AKAP19: variants seen among roughly 807,000 people sequenced by gnomAD.
AKAP19 encodes the protein small A-kinase anchoring protein.
At chr2:190,171,288 G>A in the AKAP19 span, among the ~76,000 whole-genome samples, 34 of 151,758 alleles carry the variant, frequency 2.2e-4, no homozygotes, top group African/African-American at 7.5e-4. Context: ...TTTACTGAAG[G>A]TGAAGGAAGG....
At chr2:189,970,261 A>G in the AKAP19 span, among the ~76,000 whole-genome samples, 1 of 152,250 alleles carries the variant, frequency 6.6e-6, no homozygotes, top group East Asian at 1.9e-4. Flanking sequence ...ATGAATACCT[A>G]TATATTCCCT....
At chr2:189,970,300 A>G in the AKAP19 span, among the ~76,000 whole-genome samples, 1 of 152,202 alleles carries the variant, frequency 6.6e-6, no homozygotes, top group Admixed American at 6.5e-5. Context: ...AACATTGCTA[A>G]TGTTGAAACT....
chr2:190,200,898 A>AAAT, the AKAP19 span: 27 of 167,196 alleles, frequency 1.6e-4, no homozygotes, highest in African/African-American at 6.3e-4. Context: ...GCAATCCAAT[A>AAAT]AATCTTAAAA....
chr2:189,916,175 C>T, the AKAP19 span, among the ~76,000 whole-genome samples: 1 of 152,232 alleles, frequency 6.6e-6, no homozygotes, highest in Middle Eastern at 3.4e-3. Flanking sequence ...ACTTTTCACC[C>T]AGTTCTCCTC....
the AKAP19 span, among the ~76,000 whole-genome samples, chr2:189,995,562 T>C: frequency 6.6e-6 from 1 of 152,226 alleles, no homozygotes; most frequent in South Asian, 2.1e-4. Context: ...TGAGTTCTTA[T>C]CTATTCTGCC....
the AKAP19 span, among the ~76,000 whole-genome samples, chr2:190,069,597 T>C: frequency 6.6e-6 from 1 of 152,216 alleles, no homozygotes; most frequent in Non-Finnish European, 1.5e-5. Flanking sequence ...GAGACTCATG[T>C]TTTATTTCCT....
chr2:189,949,303 C>T, the AKAP19 span, among the ~76,000 whole-genome samples: 1 of 152,040 alleles, frequency 6.6e-6, no homozygotes, highest in African/African-American at 2.4e-5. Flanking sequence ...CCTGTAATCC[C>T]AGCACTTTGG....
the AKAP19 span, among the ~76,000 whole-genome samples, chr2:189,881,943 G>A: frequency 2.0e-5 from 3 of 152,134 alleles, no homozygotes; most frequent in African/African-American, 7.2e-5. Flanking sequence ...TGTATACAGT[G>A]CAGCAAGAAT....
At chr2:189,954,859 A>C in the AKAP19 span, among the ~76,000 whole-genome samples, 17 of 152,236 alleles carry the variant, frequency 1.1e-4, 1 homozygote, top group Non-Finnish European at 2.4e-4. Flanking sequence ...ACTGATGTTT[A>C]AATTACCACA....
the AKAP19 span, among the ~76,000 whole-genome samples, chr2:190,140,243 G>C: frequency 6.6e-6 from 1 of 152,132 alleles, no homozygotes; most frequent in African/African-American, 2.4e-5. Flanking sequence ...GGCTGCTGTT[G>C]GGTGTCTGTG....
At chr2:189,987,825 G>A in the AKAP19 span, among the ~76,000 whole-genome samples, 1 of 152,182 alleles carries the variant, frequency 6.6e-6, no homozygotes, top group South Asian at 2.1e-4. Context: ...AACCACCCAA[G>A]GGGTTCACCT....
the AKAP19 span, chr2:190,090,760 C>T: frequency 3.4e-3 from 525 of 152,242 alleles, 5 homozygotes; most frequent in South Asian, 6.4e-3. Flanking sequence ...GTGAGCTGAA[C>T]AGGTCCCTCA....
At chr2:190,120,972 G>A in the AKAP19 span, among the ~76,000 whole-genome samples, 1 of 152,094 alleles carries the variant, frequency 6.6e-6, no homozygotes, top group Non-Finnish European at 1.5e-5. Flanking sequence ...TATTTTATGT[G>A]ACTATTACCA....
chr2:189,999,856 C>A, the AKAP19 span, among the ~76,000 whole-genome samples: 1 of 152,176 alleles, frequency 6.6e-6, no homozygotes. Flanking sequence ...TAAAGTTTAA[C>A]TTTGTTTTTG....
the AKAP19 span, among the ~76,000 whole-genome samples, chr2:189,885,839 A>T: frequency 6.6e-6 from 1 of 151,754 alleles, no homozygotes; most frequent in African/African-American, 2.4e-5. Flanking sequence ...ATGGAATTTG[A>T]CTCTTGTCAC....
chr2:190,164,168 T>G, the AKAP19 span: 1 of 152,256 alleles, frequency 6.6e-6, no homozygotes, highest in African/African-American at 2.4e-5. Context: ...ACAAGATATC[T>G]ATTTGAAAAA....
the AKAP19 span, among the ~76,000 whole-genome samples, chr2:190,009,424 A>T: frequency 6.6e-6 from 1 of 152,200 alleles, no homozygotes; most frequent in South Asian, 2.1e-4. Context: ...ATCCAGAAAG[A>T]TATTGTGATA....
the AKAP19 span, among the ~76,000 whole-genome samples, chr2:190,003,682 G>A: frequency 2.0e-5 from 3 of 151,994 alleles, no homozygotes; most frequent in Non-Finnish European, 4.4e-5. Context: ...TGTCCAACAC[G>A]GAGAAACCCC....
the AKAP19 span, among the ~76,000 whole-genome samples, chr2:189,880,900 G>A: frequency 6.6e-6 from 1 of 152,306 alleles, no homozygotes; most frequent in Admixed American, 6.5e-5. Context: ...TTGGAGTGGA[G>A]CATTTCGGGC....
Sources: allele counts gnomAD v4.1 joint callset (sites outside exome capture counted in the v4.1 genomes callset), GRCh38; gene constraint gnomAD v4.1.1; transcripts MANE v1.5; gene names NCBI Gene and HGNC (gene_info 2026-07-23, HGNC 2026-07-21).